Variants in PRMT5 observed in about 807,000 individuals in gnomAD.
PRMT5 encodes the protein protein arginine N-methyltransferase 5.
In PRMT5, 15 loss-of-function variants were observed where a neutral mutation model predicts 84.0. The observed-to-expected ratio is 0.18, with a 90% CI of 0.12 to 0.28. The LOEUF is 0.28. PRMT5 is among the 10% of genes least tolerant of loss of function. The probability of loss-of-function intolerance (pLI) is 1.00; values close to 1 mark genes in which losing one functional copy is unlikely to be tolerated. For synonymous variants in PRMT5, 276 were observed against 292.4 expected, an observed-to-expected ratio of 0.94 and a Z score of 0.57; for missense variants, 486 against 808.0, an observed-to-expected ratio of 0.60 and a Z score of 4.83.
chr14:22,925,146 G>T, intron 7 of PRMT5, 106 bp from the exon 8 acceptor site: 11 of 1,110,704 alleles, frequency 9.9e-6, no homozygotes, highest in South Asian at 1.8e-5. Context: ...CAGATCAACA[G>T]TTCTCTTTTT....
In PRMT5 at chr14:22,926,564, T is replaced by G; in HGVS notation, c.564-9A>C. 1 of 1,614,030 alleles carries G rather than the reference T, an allele frequency of 6.2e-7. No homozygotes were observed. The highest frequency in any genetic ancestry group is 8.5e-7 in the Non-Finnish European group (1 of 1,179,986). ...TCCGGAAGTTGTGCCACCTGTTCAGTCAAATACAGAAAAGTACAGTAAACT... is the reference window on the plus strand; with the variant it reads ...TCCGGAAGTTGTGCCACCTGTTCAGGCAAATACAGAAAAGTACAGTAAACT... On this transcript the variant is annotated splice_polypyrimidine_tract_variant and intron_variant, in intron 5 of 16. Transcript: ENST00000324366.
chr14:22,926,606 TCAC>T (rs775124889), intron 5 of PRMT5, 51 bp from the exon 6 acceptor site: 1 of 1,609,858 alleles, frequency 6.2e-7, no homozygotes, highest in Non-Finnish European at 8.5e-7. Flanking sequence ...GGCCGACCAA[TCAC>T]CACAGCTCAA....
At position 22,925,032 on chromosome 14, in the gene PRMT5, C is replaced by T. The variant is rs1279035914; in HGVS notation, c.786G>A (p.Val262=). The change falls in exon 8 of 17, where the codon GTG becomes GTA. Residue 262 remains valine (V), a synonymous_variant. Coordinates refer to ENST00000324366, the MANE Select transcript of PRMT5 (RefSeq NM_006109.5). ...RLIFRLLKLE[V]QFIITGTNHH... ...GGTTGGTGCCTGTGATGATGAACTGCACCTCCAACTGTGAGAAAAGTCAGA... is the reference window on the plus strand; with the variant it reads ...GGTTGGTGCCTGTGATGATGAACTGTACCTCCAACTGTGAGAAAAGTCAGA... The T allele has an allele frequency of 2.5e-6, 4 of 1,613,758 alleles. No homozygotes were observed. The highest frequency in any genetic ancestry group is 1.3e-5 in the African/African-American group (1 of 75,012).
intron 1 of PRMT5, 116 bp downstream of exon 1, chr14:22,929,136 C>T: frequency 1.2e-6 from 2 of 1,613,274 alleles, no homozygotes; most frequent in Non-Finnish European, 1.7e-6. Context: ...GTAATAGTCT[C>T]TCCCCTCCTC....
At position 22,928,899 on chromosome 14, in the gene PRMT5, TCA is replaced by T; in HGVS notation, c.111-286_111-285del. The T allele has an allele frequency of 5.0e-6, 3 of 599,848 alleles. No homozygotes were observed. In the South Asian group the frequency reaches 6.2e-5, roughly 12 times the overall value. 37.2% of individuals were successfully genotyped at this position (599,848 alleles called of 1,614,324 possible). A position where few individuals can be genotyped will look rare whatever the true frequency, so the allele number is the denominator to read the frequency against. ...AGGTGTCAGTATGTTTCCAAGACCA[TCA>T]CATCCAGATTTGCCCCAGTTCTGCC... On this transcript the variant is annotated intron_variant, in intron 1 of 16. Coordinates refer to ENST00000324366, the MANE Select transcript of PRMT5 (RefSeq NM_006109.5). The surrounding 1 kb of genome is among the most constrained non-coding windows in gnomAD (Gnocchi z 4.8).
intron 3 of PRMT5, 46 bp from the exon 4 acceptor site, chr14:22,927,706 G>GT: frequency 1.4e-6 from 2 of 1,442,044 alleles, no homozygotes; most frequent in East Asian, 2.5e-5. Flanking sequence ...CAAGCAAACA[G>GT]CTTTTTTTTT....
rs771616015 is a variant in PRMT5 at position 22,924,840 on chromosome 14, C to T, written c.939+39G>A. On this transcript the variant is annotated intron_variant, in intron 8 of 16. Coordinates refer to ENST00000324366, the MANE Select transcript of PRMT5 (RefSeq NM_006109.5). This position sits in a 1 kb window ranked among gnomAD's most constrained non-coding sequence, Gnocchi z 6.5. ...GGCATATATTCTCAAGAAACATTTTCCATCCCACCTTCCTCCTCTAAGTGC... is the reference window on the plus strand; with the variant it reads ...GGCATATATTCTCAAGAAACATTTTTCATCCCACCTTCCTCCTCTAAGTGC... 1.2e-6 allele frequency: 2 copies of T among 1,602,756 alleles called. No homozygotes were observed. The highest frequency in any genetic ancestry group is 8.5e-7 in the Non-Finnish European group (1 of 1,173,086).
Position 22,928,881 on chromosome 14 carries a change from A to T in PRMT5, c.111-266T>A. On this transcript the variant is annotated intron_variant, in intron 1 of 16. Coordinates refer to ENST00000324366, the MANE Select transcript of PRMT5 (RefSeq NM_006109.5). This position sits in a 1 kb window ranked among gnomAD's most constrained non-coding sequence, Gnocchi z 4.8. ...TAGAATTTTTTTCTCCTCAGGTGTC[A>T]GTATGTTTCCAAGACCATCACATCC... 1 of 595,856 alleles carries T rather than the reference A, an allele frequency of 1.7e-6. No homozygotes were observed. Among genetic ancestry groups the T allele is most frequent in the Non-Finnish European group, 3.0e-6 (1 of 334,562 alleles). 36.9% of individuals were successfully genotyped at this position (595,856 alleles called of 1,614,324 possible).
rs1356629449 is a variant in PRMT5, at chr14:22,926,222, T to G, written c.688A>C (p.Ile230Leu). Reference protein sequence around the residue: ...RWLGEPIKAAILPTSIFLTNK... With the variant: ...RWLGEPIKAALLPTSIFLTNK... ...GTCAGGAAAATGCTAGTGGGGAGAA[T>G]GGCTGCTTTGATGGGCTCCCCAAGC... Residue 230 changes from isoleucine to leucine, a missense_variant, in exon 7 of 17, where the codon ATT becomes CTT. Around this residue, in one of 4 missense-constraint regions of PRMT5, gnomAD observed 215 missense variants for 301.1 expected, o/e 0.71. Coordinates refer to ENST00000324366, the MANE Select transcript of PRMT5 (RefSeq NM_006109.5). 6.2e-7 allele frequency: 1 copy of G among 1,613,576 alleles called. No individual in the cohort carries two copies. The highest frequency in any genetic ancestry group is 1.7e-5 in the Admixed American group (1 of 59,988).
intron 1 of PRMT5, 110 bp downstream of exon 1, chr14:22,929,142 T>A: frequency 6.2e-7 from 1 of 1,613,600 alleles, no homozygotes; most frequent in Non-Finnish European, 8.5e-7. Flanking sequence ...GTCTCTCCCC[T>A]CCTCATCCTA....
Position 22,924,844 on chromosome 14 carries a change from C to T in PRMT5, c.939+35G>A, listed in dbSNP as rs759602711. On this transcript the variant is annotated intron_variant, in intron 8 of 16. Transcript: ENST00000324366. This position sits in a 1 kb window ranked among gnomAD's most constrained non-coding sequence, Gnocchi z 6.5. ...TATATTCTCAAGAAACATTTTCCAT[C>T]CCACCTTCCTCCTCTAAGTGCACTC... 6.2e-6 allele frequency: 10 copies of T among 1,603,578 alleles called. No individual in the cohort carries two copies. The East Asian group carries it at 2.0e-4, about 32-fold the overall frequency.
chr14:22,926,767 A>G lies in PRMT5; in HGVS notation c.498T>C (p.Asp166=). Residue 166 remains aspartate, a synonymous_variant, in exon 5 of 17, where the codon GAT becomes GAC. Coordinates refer to ENST00000324366, the MANE Select transcript of PRMT5 (RefSeq NM_006109.5). ...GTGTAGTTGGTGCATTCTCAATTAT[A>G]TCATCTCTCAGGTCCTCTGGTGCCA... The part of the protein sequence containing the change: ...PLVAPEDLRD[D]IIENAPTTHT... 2.5e-6 allele frequency: 4 copies of G among 1,614,080 alleles called. No individual in the cohort carries two copies. The highest frequency in any genetic ancestry group is 2.5e-6 in the Non-Finnish European group (3 of 1,180,024).
At chr14:22,921,160 C>T in intron 16 of PRMT5, 104 bp from the exon 17 acceptor site, 1 of 1,389,788 alleles carries the variant, frequency 7.2e-7, no homozygotes. Flanking sequence ...ACAAGACTGT[C>T]CCAACCCTCA....
At position 22,920,596 on chromosome 14, in the gene PRMT5, A is replaced by G; in HGVS notation, c.*308T>C. The G allele has an allele frequency of 5.2e-6, 3 of 580,292 alleles. No individual in the cohort carries two copies. The highest frequency in any genetic ancestry group is 1.0e-5 in the Non-Finnish European group (3 of 299,086). The allele number at this position is 580,292 out of a possible 1,614,324, so 35.9% of individuals were successfully genotyped here. A position where few individuals can be genotyped will look rare whatever the true frequency, so the allele number is the denominator to read the frequency against. On this transcript the variant is annotated 3_prime_UTR_variant, in exon 17 of 17. Transcript: ENST00000324366. The stretch of plus-strand genomic sequence containing the variant: ...AAAACCATCAAAACAAGAACAGAAA[A>G]AGGCTGAAAATCCGTTCAAACCCCA...
chr14:22,925,664 C>CA (rs2044403793), intron 7 of PRMT5, among the ~76,000 whole-genome samples: 2 of 151,640 alleles, frequency 1.3e-5, no homozygotes, highest in South Asian at 2.1e-4. Flanking sequence ...ACTGAAAATA[C>CA]AAAAATTAGC....
At position 22,923,380 on chromosome 14, in the gene PRMT5, C is replaced by A; in HGVS notation, c.1376-220G>T. ...TACTAGGTTAATTTACAGAGTCACACAGATTAAAACTGAAAGAACCCAAGA... is the reference window on the plus strand; with the variant it reads ...TACTAGGTTAATTTACAGAGTCACAAAGATTAAAACTGAAAGAACCCAAGA... On this transcript the variant is annotated intron_variant, in intron 12 of 16. Transcript: ENST00000324366. The surrounding 1 kb of genome is among the most constrained non-coding windows in gnomAD (Gnocchi z 5.2). The A allele has an allele frequency of 4.5e-6, 2 of 447,926 alleles. No individual in the cohort carries two copies. Among genetic ancestry groups the A allele is most frequent in the Non-Finnish European group, 7.9e-6 (2 of 254,628 alleles). 27.7% of individuals were successfully genotyped at this position (447,926 alleles called of 1,614,324 possible).
At position 22,923,911 on chromosome 14, in the gene PRMT5, C is replaced by T; in HGVS notation, c.1375+97G>A. ...GGCTCTCAAACTCATATGATGTGAC[C>T]CAGGTCCAACCCACTTTCCCCTAAA... On this transcript the variant is annotated intron_variant, in intron 12 of 16. Coordinates refer to ENST00000324366, the MANE Select transcript of PRMT5 (RefSeq NM_006109.5). This position sits in a 1 kb window ranked among gnomAD's most constrained non-coding sequence, Gnocchi z 5.2. 1 of 1,389,170 alleles carries T rather than the reference C, an allele frequency of 7.2e-7. No homozygotes were observed. The highest frequency in any genetic ancestry group is 9.7e-7 in the Non-Finnish European group (1 of 1,033,124). The allele number at this position is 1,389,170 out of a possible 1,614,324, so 86.1% of individuals were successfully genotyped here.
At position 22,928,629 on chromosome 14, in the gene PRMT5, A is replaced by G; in HGVS notation, c.111-14T>C. ...AGGAAATCAAACCTACAACCGCGACAGACCCAGAATCATGTAAAGACAGCA... is the reference window on the plus strand; with the variant it reads ...AGGAAATCAAACCTACAACCGCGACGGACCCAGAATCATGTAAAGACAGCA... On this transcript the variant is annotated splice_polypyrimidine_tract_variant and intron_variant, in intron 1 of 16. Transcript: ENST00000324366. This position sits in a 1 kb window ranked among gnomAD's most constrained non-coding sequence, Gnocchi z 4.8. 1 of 1,576,630 alleles carries G rather than the reference A, an allele frequency of 6.3e-7. No individual in the cohort carries two copies. The highest frequency in any genetic ancestry group is 8.7e-7 in the Non-Finnish European group (1 of 1,145,978).
intron 7 of PRMT5, among the ~76,000 whole-genome samples, chr14:22,925,613 C>T (rs893789035): frequency 6.6e-6 from 1 of 151,850 alleles, no homozygotes; most frequent in African/African-American, 2.4e-5. Flanking sequence ...TGAGGTCAGG[C>T]GTTCAAGACC....
Sources: allele counts gnomAD v4.1 joint callset (sites outside exome capture counted in the v4.1 genomes callset), GRCh38; gene constraint gnomAD v4.1.1; regional missense constraint gnomAD v4.1.1; non-coding constraint Gnocchi (gnomAD v3.1); transcripts MANE v1.5; gene names NCBI Gene and HGNC (gene_info 2026-07-23, HGNC 2026-07-21).